Variants in PCBP3 observed in about 807,000 individuals in gnomAD.
PCBP3 encodes the protein poly(rC) binding protein 3.
A neutral mutation model predicts 52.7 loss-of-function variants in PCBP3; 25 were observed. The ratio of observed to expected loss-of-function variants is 0.47; its 90% CI spans 0.35 to 0.66. The LOEUF is 0.66. Among genes scored for constraint, PCBP3 ranks in the 30% least tolerant of loss-of-function variants. The pLI is 0.01. For missense variants in PCBP3, 391 were observed against 490.3 expected, an observed-to-expected ratio of 0.80 and a Z score of 1.91; for synonymous variants, 162 against 183.0, an observed-to-expected ratio of 0.89 and a Z score of 0.93.
chr21:45,785,317 C>A (rs1249280829), intron 4 of PCBP3, among the ~76,000 whole-genome samples: 1 of 151,652 alleles, frequency 6.6e-6, no homozygotes, highest in Non-Finnish European at 1.5e-5. Context: ...GCCCGGCCAG[C>A]CGCCCCGTCC....
rs140669993 is a variant in PCBP3, at chr21:45,711,739, T to C, written c.-199-23653T>C. On this transcript the variant is annotated intron_variant, in intron 2 of 17. Coordinates refer to ENST00000681687, the MANE Select transcript of PCBP3 (RefSeq NM_001384156.1). ...TTTTTAATACAGTTAGATTGTTTTGTCACTTTCCGCATCCTGTCTTGAGAT... is the reference window on the plus strand; with the variant it reads ...TTTTTAATACAGTTAGATTGTTTTGCCACTTTCCGCATCCTGTCTTGAGAT... Among the ~76,000 whole-genome samples the C allele has an allele frequency of 2.3e-3, 355 of 152,364 alleles. 2 individuals are homozygous for C. The highest frequency in any genetic ancestry group is 8.2e-3 in the African/African-American group (339 of 41,584).
intron 3 of PCBP3, among the ~76,000 whole-genome samples, chr21:45,740,637 T>TGC (rs749130918): frequency 6.7e-6 from 1 of 149,968 alleles, no homozygotes; most frequent in African/African-American, 2.5e-5. Context: ...TGTGTGTGTG[T>TGC]GAAGTGTGTG....
rs1175589745 is a variant in PCBP3, at chr21:45,857,863, C to CTGGATGGGA, written c.10+7772_10+7780dup. On this transcript the variant is annotated intron_variant, in intron 5 of 17. Transcript: ENST00000681687. ...TCTGCCACTCTTGGACCCATGAGCC[C>CTGGATGGGA]TGGATGGGATGGGGAAACAGGGCTG... is the stretch of plus-strand genomic sequence containing the variant. Among the ~76,000 whole-genome samples, 3 of 152,204 alleles carry CTGGATGGGA rather than the reference C, an allele frequency of 2.0e-5. No homozygotes were observed. In the East Asian group the frequency reaches 5.8e-4, roughly 29 times the overall value.
At chr21:45,647,668 G>A (rs1230394035) in intron 1 of PCBP3, among the ~76,000 whole-genome samples, 1 of 152,198 alleles carries the variant, frequency 6.6e-6, no homozygotes, top group African/African-American at 2.4e-5. Context: ...TGGAAGCATA[G>A]TGAAGGAGTT....
At chr21:45,841,292 T>C (rs557285304) in intron 4 of PCBP3, among the ~76,000 whole-genome samples, 36 of 152,344 alleles carry the variant, frequency 2.4e-4, no homozygotes, top group Non-Finnish European at 3.8e-4. Context: ...TGTCATGTTC[T>C]CCTGAACCTT....
intron 2 of PCBP3, among the ~76,000 whole-genome samples, chr21:45,705,804 G>T (rs1375653159): frequency 6.6e-6 from 1 of 152,044 alleles, no homozygotes; most frequent in African/African-American, 2.4e-5. Context: ...GTACAGAAAT[G>T]GTCTGTGGGC....
intron 5 of PCBP3, among the ~76,000 whole-genome samples, chr21:45,884,739 T>A (rs1603465225): frequency 6.6e-6 from 1 of 152,250 alleles, no homozygotes; most frequent in South Asian, 2.1e-4. Context: ...TTTTTAAATT[T>A]TTTTGTAGAG....
At chr21:45,645,701 G>C (rs1168007974) in intron 1 of PCBP3, among the ~76,000 whole-genome samples, 7 of 152,174 alleles carry the variant, frequency 4.6e-5, no homozygotes, top group Admixed American at 4.6e-4. Flanking sequence ...AACCAATCTA[G>C]CTATTCAGAT....
At chr21:45,936,145 T>C (rs1327231707) in intron 16 of PCBP3, among the ~76,000 whole-genome samples, 3 of 152,206 alleles carry the variant, frequency 2.0e-5, no homozygotes, top group African/African-American at 7.2e-5. Flanking sequence ...TTCCTTCCTT[T>C]CATACAAGTT....
chr21:45,694,099 A>G lies in PCBP3; in HGVS notation c.-200+25147A>G, dbSNP rs370330696. Among the ~76,000 whole-genome samples, 3 of 152,240 alleles carry G rather than the reference A, an allele frequency of 2.0e-5. No homozygotes were observed. In the East Asian group the frequency reaches 5.8e-4, roughly 29 times the overall value. On this transcript the variant is annotated intron_variant, in intron 2 of 17. Coordinates refer to ENST00000681687, the MANE Select transcript of PCBP3 (RefSeq NM_001384156.1). ...AAATAAAGAAGCTGAGATTAAAACA[A>G]CGGAATAAAAAATACCTCATTATTC...
intron 12 of PCBP3, chr21:45,914,277 C>T: frequency 1.7e-6 from 1 of 593,556 alleles, no homozygotes; most frequent in South Asian, 2.3e-5. Flanking sequence ...GAAGATCTGG[C>T]TCTGCCTAAA....
At chr21:45,733,527 A>C (rs1244332239) in intron 2 of PCBP3, among the ~76,000 whole-genome samples, 1 of 151,758 alleles carries the variant, frequency 6.6e-6, no homozygotes, top group Admixed American at 6.6e-5. Context: ...TCCTGACCTC[A>C]TGATCTGCCC....
intron 4 of PCBP3, among the ~76,000 whole-genome samples, chr21:45,806,552 T>G (rs760606169): frequency 2.0e-5 from 3 of 151,936 alleles, no homozygotes; most frequent in Admixed American, 6.6e-5. Context: ...AGGCTTGAAG[T>G]TCTCTCATTT....
intron 4 of PCBP3, among the ~76,000 whole-genome samples, chr21:45,806,279 C>T (rs1486904739): frequency 1.3e-5 from 2 of 152,158 alleles, no homozygotes; most frequent in Non-Finnish European, 2.9e-5. Context: ...TGCAGAGACT[C>T]GAGCAGGGTG....
At chr21:45,855,249 G>C (rs888024689) in intron 5 of PCBP3, among the ~76,000 whole-genome samples, 2 of 152,208 alleles carry the variant, frequency 1.3e-5, no homozygotes, top group Non-Finnish European at 2.9e-5. Flanking sequence ...CCCGACTGCA[G>C]GAGGGAAAAG....
intron 2 of PCBP3, among the ~76,000 whole-genome samples, chr21:45,676,839 T>G (rs560078202): frequency 3.3e-5 from 5 of 152,316 alleles, no homozygotes; most frequent in African/African-American, 1.2e-4. Flanking sequence ...TGGTGTGATC[T>G]CAGTTCACTG....
chr21:45,919,301 G>A (rs2074065610), intron 13 of PCBP3: 1 of 152,252 alleles, frequency 6.6e-6, no homozygotes, highest in Non-Finnish European at 1.5e-5. Flanking sequence ...TCTGAACTGC[G>A]AGAGGCGCCT....
chr21:45,812,877 T>C (rs1394750299), intron 4 of PCBP3, among the ~76,000 whole-genome samples: 2 of 152,230 alleles, frequency 1.3e-5, no homozygotes, highest in Non-Finnish European at 2.9e-5. Context: ...TTCCACTGTT[T>C]TTGATGAGAG....
intron 1 of PCBP3, among the ~76,000 whole-genome samples, chr21:45,650,295 G>A (rs1207908993): frequency 6.6e-6 from 1 of 152,288 alleles, no homozygotes; most frequent in Middle Eastern, 3.4e-3. Context: ...CTGTGATCAT[G>A]CCTCTGCACT....
Sources: gnomAD v4.1 joint callset for allele counts (sites outside exome capture counted in the v4.1 genomes callset) on GRCh38, gnomAD v4.1.1 for gene constraint, MANE v1.5 for transcripts, NCBI Gene and HGNC (gene_info 2026-07-23, HGNC 2026-07-21) for gene names.